ERICH2: variants seen among roughly 807,000 people sequenced by gnomAD.
ERICH2 encodes the protein glutamate rich 2.
Under a neutral mutation model 17.4 loss-of-function variants are expected in ERICH2, and 17 were observed. That is an observed-to-expected ratio of 0.98 (90% CI 0.67 to 1.47). The LOEUF is 1.47. Ranked by LOEUF, ERICH2 falls within the 40% of genes most tolerant of loss-of-function variation. ERICH2 has a pLI of 0.00. For synonymous variants in ERICH2, 51 were observed against 61.1 expected (o/e 0.83, Z 0.77); for missense variants, 186 against 183.2 (o/e 1.01, Z -0.09).
chr2:170,788,210 A>G (rs1701198865), intron 2 of ERICH2, among the ~76,000 whole-genome samples: 1 of 152,204 alleles, frequency 6.6e-6, no homozygotes, highest in South Asian at 2.1e-4. Flanking sequence ...TATTAGAAAG[A>G]CTTCACTTAG....
chr2:170,797,564 G>A (rs958057524), intron 3 of ERICH2, among the ~76,000 whole-genome samples: 7 of 152,090 alleles, frequency 4.6e-5, no homozygotes, highest in Non-Finnish European at 8.8e-5. Flanking sequence ...TTGGGAGGCC[G>A]AGGTGGGTGG....
upstream of ERICH2, among the ~76,000 whole-genome samples, chr2:170,783,008 G>A (rs1283917003): frequency 6.6e-6 from 1 of 152,022 alleles, no homozygotes; most frequent in Non-Finnish European, 1.5e-5. Flanking sequence ...TGAAGCAGGA[G>A]GATTGCTTGA....
intron 2 of ERICH2, 34 bp downstream of exon 7, chr2:170,784,867 T>G: frequency 3.6e-6 from 5 of 1,370,568 alleles, no homozygotes; most frequent in Non-Finnish European, 4.7e-6. Context: ...TTGAAGAAAC[T>G]TTAAAATATT....
chr2:170,780,741 G>A (rs1701007402), upstream of ERICH2, among the ~76,000 whole-genome samples: 1 of 151,936 alleles, frequency 6.6e-6, no homozygotes, highest in African/African-American at 2.4e-5. Flanking sequence ...ATAAAACGAT[G>A]GTATGTCTTA....
At chr2:170,792,916 G>C (rs1701324379) in exon 3 of ERICH2, 4 of 1,501,800 alleles carry the variant, frequency 2.7e-6, no homozygotes, top group Non-Finnish European at 3.6e-6. Flanking sequence ...AATTATGTCA[G>C]ATGAGTAAGT....
At chr2:170,785,843 G>T (rs1701147685) in intron 2 of ERICH2, among the ~76,000 whole-genome samples, 1 of 152,090 alleles carries the variant, frequency 6.6e-6, no homozygotes, top group South Asian at 2.1e-4. Context: ...AGCATTTACT[G>T]ATAATTCTAT....
At chr2:170,783,786 G>C in exon 1 of ERICH2, 1 of 1,550,196 alleles carries the variant, frequency 6.5e-7, no homozygotes, top group African/African-American at 1.4e-5. Context: ...TCAGTGCATT[G>C]AGTCAGTCTA....
chr2:170,771,400 C>G, the ERICH2 span: 2 of 152,242 alleles, frequency 1.3e-5, no homozygotes, highest in East Asian at 3.9e-4. The surrounding 1 kb of genome is among the most constrained non-coding windows in gnomAD (Gnocchi z 4.8). Context: ...TGGCTTGCGG[C>G]ACCCTCCTCC....
At chr2:170,770,602 TCAAGA>T in the ERICH2 span, 1 of 155,194 alleles carries the variant, frequency 6.4e-6, no homozygotes, top group Non-Finnish European at 1.5e-5. Flanking sequence ...CTCTCCCAAC[TCAAGA>T]CTTCTTTTTA....
intron 3 of ERICH2, among the ~76,000 whole-genome samples, chr2:170,795,123 G>C (rs907983668): frequency 6.6e-6 from 1 of 151,888 alleles, no homozygotes; most frequent in Non-Finnish European, 1.5e-5. Context: ...GGGACTACAG[G>C]TGTGTACCAC....
intron 3 of ERICH2, among the ~76,000 whole-genome samples, chr2:170,794,905 A>G (rs1701379733): frequency 6.6e-6 from 1 of 152,230 alleles, no homozygotes. Context: ...TCTGAGGTAA[A>G]TAATCCTTTC....
At chr2:170,798,583 T>C (rs1269175322) in intron 4 of ERICH2, among the ~76,000 whole-genome samples, 187 bp from the exon 10 acceptor site, 2 of 152,212 alleles carry the variant, frequency 1.3e-5, no homozygotes, top group Admixed American at 1.3e-4. Context: ...CAAAAACACC[T>C]GTATGCCAGT....
chr2:170,776,488 A>G, the ERICH2 span, among the ~76,000 whole-genome samples: 57,880 of 151,974 alleles, frequency 0.38, 11,873 homozygotes, highest in East Asian at 0.58. Context: ...AGCTATTCTC[A>G]TATCTCAGCC....
At chr2:170,791,655 G>A (rs956637165) in intron 2 of ERICH2, among the ~76,000 whole-genome samples, 4 of 151,570 alleles carry the variant, frequency 2.6e-5, no homozygotes, top group Non-Finnish European at 5.9e-5. Flanking sequence ...GCGCCACTGC[G>A]CTCCAGCCTG....
At chr2:170,777,496 GAATCTTGA>G in the ERICH2 span, 1 of 1,096,536 alleles carries the variant, frequency 9.1e-7, no homozygotes, top group South Asian at 4.8e-5. Flanking sequence ...AAGACTATTG[GAATCTTGA>G]GTGTCATTGA....
intron 1 of ERICH2, chr2:170,783,908 A>G: frequency 6.4e-7 from 1 of 1,550,414 alleles, no homozygotes; most frequent in Non-Finnish European, 8.7e-7. Context: ...ATACTCTTGG[A>G]AGAACTTGAT....
intron 2 of ERICH2, among the ~76,000 whole-genome samples, chr2:170,785,561 A>G (rs1294975252): frequency 6.6e-6 from 1 of 151,166 alleles, no homozygotes; most frequent in African/African-American, 2.4e-5. Context: ...AAATAATTAC[A>G]ATAAGATGAA....
At chr2:170,785,890 T>C (rs1425855213) in intron 2 of ERICH2, among the ~76,000 whole-genome samples, 3 of 151,870 alleles carry the variant, frequency 2.0e-5, no homozygotes, top group Non-Finnish European at 4.4e-5. Flanking sequence ...TGTTGTGATA[T>C]CACAGTCTGC....
At chr2:170,777,549 T>A in the ERICH2 span, 1 of 1,073,790 alleles carries the variant, frequency 9.3e-7, no homozygotes, top group Non-Finnish European at 1.2e-6. Context: ...TTATGTTGCC[T>A]ATCCTTTTAA....
Sources: gnomAD v4.1 joint callset for allele counts (sites outside exome capture counted in the v4.1 genomes callset) on GRCh38, gnomAD v4.1.1 for gene constraint, Gnocchi (gnomAD v3.1) non-coding constraint, MANE v1.5 for transcripts, NCBI Gene and HGNC (gene_info 2026-07-23, HGNC 2026-07-21) for gene names.